The following GRIN3A variants were observed in gnomAD, a reference collection of about 807,000 sequenced individuals.
The protein encoded by GRIN3A is glutamate receptor ionotropic, NMDA 3A.
Under a neutral mutation model 92.4 loss-of-function variants are expected in GRIN3A, and 47 were observed. The ratio of observed to expected loss-of-function variants is 0.51; its 90% confidence interval spans 0.40 to 0.65. GRIN3A has a LOEUF of 0.65. GRIN3A is among the 30% of genes least tolerant of loss of function. The pLI is 0.00. For missense variants in GRIN3A, 1,324 were observed against 1,393.1 expected, an observed-to-expected ratio of 0.95 and a Z score of 0.79; for synonymous variants, 527 against 540.6, an observed-to-expected ratio of 0.97 and a Z score of 0.35.
rs192755185 is a variant in GRIN3A at position 101,579,625 on chromosome 9, G to A, written c.2767-265C>T. On this transcript the variant is annotated intron_variant, in intron 6 of 8. Transcript: ENST00000361820. The stretch of plus-strand genomic sequence containing the variant: ...TTAAAAGCTCTCCAACCGACTGAAC[G>A]AACTTTCTCTTGTCCATGGGGACCC... Among the ~76,000 whole-genome samples, 283 of 152,232 alleles carry A rather than the reference G, an allele frequency of 1.9e-3. 1 individual carries two copies. The highest frequency in any genetic ancestry group is 6.2e-3 in the African/African-American group (259 of 41,550).
rs548951354 is a variant in GRIN3A, at chr9:101,587,365, G to A, written c.2767-8005C>T. On this transcript the variant is annotated intron_variant, in intron 6 of 8. Coordinates refer to ENST00000361820, the MANE Select transcript of GRIN3A (RefSeq NM_133445.3). ...AACCAAATAATCTGATTCAATATAT[G>A]TACTGTTTAAAGGATTAAGGTCCTC... Among the ~76,000 whole-genome samples the A allele has an allele frequency of 8.6e-5, 13 of 151,672 alleles. No individual in the cohort carries two copies. The South Asian group carries it at 2.7e-3, about 32-fold the overall frequency.
intron 8 of GRIN3A, among the ~76,000 whole-genome samples, chr9:101,574,125 TC>T (rs1299754484): frequency 6.6e-6 from 1 of 152,104 alleles, no homozygotes; most frequent in Non-Finnish European, 1.5e-5. Context: ...CTTAAAAAAA[TC>T]CCGAGAAAGC....
chr9:101,596,540 G>T (rs887515634), intron 6 of GRIN3A, among the ~76,000 whole-genome samples: 10 of 152,156 alleles, frequency 6.6e-5, no homozygotes, highest in African/African-American at 2.4e-4. Flanking sequence ...AAAGCACAAA[G>T]ACCTTTCTGG....
At chr9:101,638,257 C>A (rs1828809809) in intron 3 of GRIN3A, among the ~76,000 whole-genome samples, 1 of 152,152 alleles carries the variant, frequency 6.6e-6, no homozygotes, top group Non-Finnish European at 1.5e-5. Flanking sequence ...GGAGACCAAG[C>A]CAACAAATTA....
At chr9:101,697,607 G>A (rs1198555221) in intron 1 of GRIN3A, among the ~76,000 whole-genome samples, 1 of 152,126 alleles carries the variant, frequency 6.6e-6, no homozygotes, top group African/African-American at 2.4e-5. Flanking sequence ...TCAAATCATT[G>A]CCTGCATCCA....
chr9:101,655,667 C>A (rs149865352), intron 3 of GRIN3A, among the ~76,000 whole-genome samples: 2 of 152,038 alleles, frequency 1.3e-5, no homozygotes, highest in East Asian at 3.9e-4. Flanking sequence ...CTTAACTCCT[C>A]TGAGCCTCAG....
At chr9:101,651,092 T>A (rs1468127676) in intron 3 of GRIN3A, among the ~76,000 whole-genome samples, 1 of 151,994 alleles carries the variant, frequency 6.6e-6, no homozygotes, top group Non-Finnish European at 1.5e-5. Flanking sequence ...TATTAATATA[T>A]TTGGAATTAT....
chr9:101,607,675 T>C (rs539026576), intron 6 of GRIN3A, among the ~76,000 whole-genome samples: 3 of 152,326 alleles, frequency 2.0e-5, no homozygotes, highest in African/African-American at 7.2e-5. Context: ...AAAAGTAAGT[T>C]GGTGGTTGAA....
intron 1 of GRIN3A, among the ~76,000 whole-genome samples, chr9:101,707,715 T>C (rs1485953482): frequency 6.6e-6 from 1 of 152,124 alleles, no homozygotes; most frequent in Admixed American, 6.6e-5. Context: ...ATTGAGACAA[T>C]TATTTGTACC....
At chr9:101,605,408 T>C (rs1282936749) in intron 6 of GRIN3A, among the ~76,000 whole-genome samples, 1 of 152,212 alleles carries the variant, frequency 6.6e-6, no homozygotes, top group Admixed American at 6.5e-5. Context: ...TTTGTGTTCA[T>C]GACATTTTGA....
chr9:101,688,829 C>T (rs1276843959), intron 1 of GRIN3A, among the ~76,000 whole-genome samples: 1 of 152,112 alleles, frequency 6.6e-6, no homozygotes, highest in African/African-American at 2.4e-5. Flanking sequence ...AATTGCACCA[C>T]TGTACTCCAG....
intron 2 of GRIN3A, among the ~76,000 whole-genome samples, chr9:101,682,532 C>A (rs1269131674): frequency 6.6e-6 from 1 of 152,240 alleles, no homozygotes; most frequent in Non-Finnish European, 1.5e-5. Context: ...AGACTGTCAG[C>A]TCCTAAATGT....
At chr9:101,694,481 C>T (rs1482578899) in intron 1 of GRIN3A, among the ~76,000 whole-genome samples, 3 of 152,112 alleles carry the variant, frequency 2.0e-5, no homozygotes, top group Non-Finnish European at 2.9e-5. Context: ...GGACTTTTTT[C>T]CCATGATAAT....
intron 1 of GRIN3A, among the ~76,000 whole-genome samples, chr9:101,730,138 A>G (rs950147748): frequency 6.6e-6 from 1 of 152,098 alleles, no homozygotes; most frequent in African/African-American, 2.4e-5. Context: ...ACTAGGTAAA[A>G]CTGGACTTCA....
intron 6 of GRIN3A, among the ~76,000 whole-genome samples, chr9:101,597,024 A>G (rs910930318): frequency 1.9e-4 from 29 of 152,338 alleles, no homozygotes; most frequent in African/African-American, 7.0e-4. Context: ...AGTTGGGCCC[A>G]TTGACCTCTC....
intron 6 of GRIN3A, among the ~76,000 whole-genome samples, chr9:101,606,107 T>A (rs1265000683): frequency 2.6e-5 from 4 of 152,168 alleles, no homozygotes; most frequent in Non-Finnish European, 5.9e-5. Context: ...GGGCATGGTC[T>A]CTCTCCCCGC....
intron 1 of GRIN3A, among the ~76,000 whole-genome samples, chr9:101,690,328 G>A (rs1829598552): frequency 6.6e-6 from 1 of 152,226 alleles, no homozygotes; most frequent in African/African-American, 2.4e-5. Context: ...ACTTTGAATT[G>A]AATCTTCATT....
chr9:101,737,535 C>T lies in GRIN3A; in HGVS notation c.445G>A (p.Glu149Lys). ...EGLLPYNLSL[E>K]VVMAIEAGLG... ...CCTGCCTCGATGGCCATCACTACTT[C>T]CAAAGACAGGTTGTAGGGTAGCAGC... is the stretch of plus-strand genomic sequence containing the variant. Residue 149 changes from glutamate (E) to lysine (K), a missense_variant, in exon 1 of 9, where the codon GAA becomes AAA. Physicochemically the swap from Glu to Lys is moderately conservative, Grantham distance 56. Coordinates refer to ENST00000361820, the MANE Select transcript of GRIN3A (RefSeq NM_133445.3). 1 of 1,614,244 alleles carries T rather than the reference C, an allele frequency of 6.2e-7. No homozygotes were observed. Among genetic ancestry groups the T allele is most frequent in the Non-Finnish European group, 8.5e-7 (1 of 1,180,044 alleles).
intron 3 of GRIN3A, among the ~76,000 whole-genome samples, chr9:101,656,977 T>A (rs1371078615): frequency 6.6e-6 from 1 of 151,940 alleles, no homozygotes; most frequent in East Asian, 1.9e-4. Flanking sequence ...CAGTGATATA[T>A]ATTCCCCTTG....
Sources: allele counts gnomAD v4.1 joint callset (sites outside exome capture counted in the v4.1 genomes callset), GRCh38; gene constraint gnomAD v4.1.1; transcripts MANE v1.5; gene names NCBI Gene and HGNC (gene_info 2026-07-23, HGNC 2026-07-21).